The following GPRC5A variants were observed in gnomAD, a reference collection of about 807,000 sequenced individuals.
GPRC5A encodes G protein-coupled receptor class C group 5 member A.
A neutral mutation model predicts 22.5 loss-of-function variants in GPRC5A; 19 were observed. That is an observed-to-expected ratio of 0.85 (90% CI 0.59 to 1.24). GPRC5A has a LOEUF of 1.24. Among genes scored for constraint, GPRC5A ranks in the 50% most tolerant of loss-of-function variants. The pLI, the probability that GPRC5A is intolerant of heterozygous loss-of-function variation, is 0.00. For missense variants in GPRC5A, 471 were observed against 451.1 expected (o/e 1.04, Z -0.40); for synonymous variants, 192 against 184.5 (o/e 1.04, Z -0.33).
intron 1 of GPRC5A, among the ~76,000 whole-genome samples, chr12:12,900,724 C>G (rs750519076): frequency 1.5e-4 from 23 of 151,798 alleles, no homozygotes; most frequent in Middle Eastern, 3.2e-3. Flanking sequence ...AACCCCATCT[C>G]TACTAAAAAT....
In GPRC5A at chr12:12,908,840, C is replaced by T; in HGVS notation, c.591C>T (p.Phe197=). Residue 197 remains phenylalanine (F), a synonymous_variant, in exon 2 of 4, where the codon TTC becomes TTT. Transcript: ENST00000014914. ...CGCTGACCTTCCTCATGTCCTCCTT[C>T]ACCTTCTGTGGTTCCTTCACGGGCT... is the stretch of plus-strand genomic sequence containing the variant. ...LMALTFLMSS[F]TFCGSFTGWK... 2 of 1,614,154 alleles carry T rather than the reference C, an allele frequency of 1.2e-6. No individual in the cohort carries two copies. Among genetic ancestry groups the T allele is most frequent in the South Asian group, 1.1e-5 (1 of 91,082 alleles).
At chr12:12,896,592 A>C (rs190799046) in intron 1 of GPRC5A, among the ~76,000 whole-genome samples, 129 of 152,326 alleles carry the variant, frequency 8.5e-4, no homozygotes, top group Non-Finnish European at 3.4e-4. Flanking sequence ...CCCATTACTC[A>C]CACTTGCCAA....
At chr12:12,893,518 A>G (rs923281945) in intron 1 of GPRC5A, among the ~76,000 whole-genome samples, 10 of 152,012 alleles carry the variant, frequency 6.6e-5, no homozygotes, top group African/African-American at 7.3e-5. Context: ...TTTTATTCTC[A>G]TTTTTATTGC....
Position 12,915,017 on chromosome 12 carries a change from A to ATTTTTT in GPRC5A, c.*2494_*2499dup, listed in dbSNP as rs60735966. ...AAATCACAAAATACTCTGGATCGGC[A>ATTTTTT]TTTTTTTTTTTTTTTTTTTTTGAGA... On this transcript the variant is annotated 3_prime_UTR_variant, in exon 4 of 4. Transcript: ENST00000014914. 159 of 108,648 alleles carry ATTTTTT rather than the reference A, an allele frequency of 1.5e-3. 4 individuals carry two copies. Among genetic ancestry groups the ATTTTTT allele is most frequent in the East Asian group, 8.2e-3 (27 of 3,310 alleles). The allele number at this position is 108,648 out of a possible 1,614,324, so 6.7% of individuals were successfully genotyped here.
chr12:12,910,044 C>A (rs1863987234), intron 2 of GPRC5A, among the ~76,000 whole-genome samples: 1 of 148,742 alleles, frequency 6.7e-6, no homozygotes, highest in Non-Finnish European at 1.5e-5. Context: ...AGAGGCTAAA[C>A]TGATGGCCAG....
At chr12:12,894,110 A>C (rs1306934422) in intron 1 of GPRC5A, among the ~76,000 whole-genome samples, 1 of 152,218 alleles carries the variant, frequency 6.6e-6, no homozygotes, top group African/African-American at 2.4e-5. Flanking sequence ...TGTATCATCT[A>C]TGCTGCTTTC....
intron 1 of GPRC5A, among the ~76,000 whole-genome samples, chr12:12,894,945 A>AT (rs1181632342): frequency 4.0e-5 from 6 of 151,502 alleles, no homozygotes; most frequent in African/African-American, 1.2e-4. Flanking sequence ...TGCCCGGCTA[A>AT]TTTTTTGTAT....
intron 2 of GPRC5A, among the ~76,000 whole-genome samples, chr12:12,911,272 T>G (rs901792020): frequency 6.6e-6 from 1 of 152,212 alleles, no homozygotes; most frequent in African/African-American, 2.4e-5. Context: ...TCATGATGAT[T>G]GCATGTGTTT....
intron 1 of GPRC5A, among the ~76,000 whole-genome samples, chr12:12,894,025 G>T (rs189404511): frequency 1.0e-3 from 157 of 152,326 alleles, no homozygotes; most frequent in African/African-American, 3.5e-3. Context: ...GCCTCCCAAA[G>T]TGCTGGGATC....
At chr12:12,907,447 A>AGTT (rs1863954936) in intron 1 of GPRC5A, among the ~76,000 whole-genome samples, 1 of 151,694 alleles carries the variant, frequency 6.6e-6, no homozygotes, top group Non-Finnish European at 1.5e-5. Flanking sequence ...CATTCAGATA[A>AGTT]CTCCTCTTAT....
At chr12:12,899,577 A>G (rs916939301) in intron 1 of GPRC5A, among the ~76,000 whole-genome samples, 1 of 152,202 alleles carries the variant, frequency 6.6e-6, no homozygotes, top group Non-Finnish European at 1.5e-5. Context: ...AATGGGCTGT[A>G]GGAATGTTAA....
Position 12,913,275 on chromosome 12 carries a change from G to C in GPRC5A, c.*736G>C, listed in dbSNP as rs1210996062. The stretch of plus-strand genomic sequence containing the variant: ...CCCTAAATTTACTCATCTCTCTAGT[G>C]CTGCCTCACATTGGGCCTCAGCAGC... On this transcript the variant is annotated 3_prime_UTR_variant, in exon 4 of 4. Coordinates refer to ENST00000014914, the MANE Select transcript of GPRC5A (RefSeq NM_003979.4). 4 of 152,830 alleles carry C rather than the reference G, an allele frequency of 2.6e-5. No individual in the cohort carries two copies. Among genetic ancestry groups the C allele is most frequent in the Non-Finnish European group, 5.9e-5 (4 of 68,206 alleles). 9.5% of individuals were successfully genotyped at this position (152,830 alleles called of 1,614,324 possible).
Position 12,914,848 on chromosome 12 carries a change from G to C in GPRC5A, c.*2309G>C, listed in dbSNP as rs1437752019. 6.6e-6 allele frequency: 1 copy of C among 151,826 alleles called. No individual in the cohort carries two copies. The highest frequency in any genetic ancestry group is 1.5e-5 in the Non-Finnish European group (1 of 68,030). The allele number at this position is 151,826 out of a possible 1,614,324, so 9.4% of individuals were successfully genotyped here. On this transcript the variant is annotated 3_prime_UTR_variant, in exon 4 of 4. Transcript: ENST00000014914. ...TTGACCAGGCTGGTCTTGAACTCCT[G>C]ATCTTAAGTGATCTGCCCGCCTTGG...
At chr12:12,910,157 A>G (rs954353637) in intron 2 of GPRC5A, among the ~76,000 whole-genome samples, 3 of 152,070 alleles carry the variant, frequency 2.0e-5, no homozygotes, top group Non-Finnish European at 4.4e-5. Context: ...AGGAATGAGG[A>G]ACCTCCAAGG....
intron 1 of GPRC5A, among the ~76,000 whole-genome samples, chr12:12,892,278 CCA>C (rs143167662): frequency 0.094 from 14,308 of 152,188 alleles, 736 homozygotes; most frequent in East Asian, 0.17. Flanking sequence ...AGTGCACCTT[CCA>C]CTACCGACTT....
rs1864071927 is a variant in GPRC5A, at chr12:12,917,145, C to G, written c.*4606C>G. ...AACCTCGTGGCTGTTTTCTGGAATT[C>G]CTTCTATCGGGGCAGACAGTGCTGT... is the stretch of plus-strand genomic sequence containing the variant. On this transcript the variant is annotated 3_prime_UTR_variant, in exon 4 of 4. Transcript: ENST00000014914. 6.6e-6 allele frequency: 1 copy of G among 151,914 alleles called. No individual in the cohort carries two copies. 9.4% of individuals were successfully genotyped at this position (151,914 alleles called of 1,614,324 possible). A position where few individuals can be genotyped will look rare whatever the true frequency, so the allele number is the denominator to read the frequency against.
rs59721062 is a variant in GPRC5A, at chr12:12,914,594, T to TTCTTTCTCTCTCTCTCTCTC, written c.*2058_*2059insTTCTCTCTCTCTCTCTCTCT. 6.1e-5 allele frequency: 5 copies of TTCTTTCTCTCTCTCTCTCTC among 81,618 alleles called. No homozygotes were observed. The East Asian group carries it at 1.3e-3, about 21-fold the overall frequency. 5.1% of individuals were successfully genotyped at this position (81,618 alleles called of 1,614,324 possible). ...TTTCTTTCTTTCTTTCTTTCTTTCT[T>TTCTTTCTCTCTCTCTCTCTC]TCTCTCTCTCTCTCTCTCTCTCTTT... On this transcript the variant is annotated 3_prime_UTR_variant, in exon 4 of 4. Transcript: ENST00000014914.
At chr12:12,912,180 A>C in intron 3 of GPRC5A, 38 bp downstream of exon 3, 2 of 1,382,396 alleles carry the variant, frequency 1.4e-6, no homozygotes, top group Non-Finnish European at 2.1e-6. Flanking sequence ...CAAAGGCATT[A>C]GCACCTCAGG....
At chr12:12,909,784 A>G (rs2136461838) in intron 2 of GPRC5A, 1 of 152,398 alleles carries the variant, frequency 6.6e-6, no homozygotes, top group East Asian at 1.9e-4. Flanking sequence ...GAAGGAACAG[A>G]TCATATTTGA....
Sources: gnomAD v4.1 joint callset for allele counts (sites outside exome capture counted in the v4.1 genomes callset) on GRCh38, gnomAD v4.1.1 for gene constraint, MANE v1.5 for transcripts, NCBI Gene and HGNC (gene_info 2026-07-23, HGNC 2026-07-21) for gene names.